Variants in MEIOC observed in about 807,000 individuals in gnomAD.
MEIOC encodes the protein meiosis-specific coiled-coil domain-containing protein MEIOC.
MEIOC carries 9 observed loss-of-function variants against 85.3 expected under a neutral mutation model. The ratio of observed to expected loss-of-function variants is 0.11; its 90% CI spans 0.06 to 0.18. The LOEUF is 0.18. Among genes scored for constraint, MEIOC ranks in the 10% least tolerant of loss-of-function variants. The pLI, the probability that MEIOC is intolerant of heterozygous loss-of-function variation, is 1.00. For missense variants in MEIOC, 898 were observed against 1,129.4 expected (o/e 0.80, Z 2.94); for synonymous variants, 365 against 393.7 (o/e 0.93, Z 0.86).
chr17:44,665,712 T>C (rs1189142900), intron 4 of MEIOC, among the ~76,000 whole-genome samples: 1 of 152,152 alleles, frequency 6.6e-6, no homozygotes, highest in Non-Finnish European at 1.5e-5. Context: ...AAATTATTCT[T>C]GCATAATTCA....
intron 2 of MEIOC, 34 bp downstream of exon 2, chr17:44,657,295 T>G (rs1362711626): frequency 6.5e-7 from 1 of 1,539,752 alleles, no homozygotes; most frequent in Admixed American, 2.0e-5. Flanking sequence ...GTTAGACGAT[T>G]TATTCTCAAA....
At chr17:44,658,407 A>T (rs915710467) in intron 2 of MEIOC, among the ~76,000 whole-genome samples, 7 of 150,392 alleles carry the variant, frequency 4.7e-5, no homozygotes, top group Middle Eastern at 3.4e-3. Flanking sequence ...CGCTCGCCTC[A>T]GCCTCCCAAA....
intron 3 of MEIOC, among the ~76,000 whole-genome samples, chr17:44,662,999 A>G (rs1039882374): frequency 6.6e-6 from 1 of 152,222 alleles, no homozygotes; most frequent in African/African-American, 2.4e-5. Flanking sequence ...TAGTGGGAAC[A>G]TTTAGTGCAT....
At chr17:44,670,895 TAAGTC>T (rs1376036152) in intron 6 of MEIOC, 1 of 152,124 alleles carries the variant, frequency 6.6e-6, no homozygotes, top group Non-Finnish European at 1.5e-5. Context: ...GAATCCTCGT[TAAGTC>T]ATTTTGTAAT....
chr17:44,670,409 A>G (rs1241368068), intron 6 of MEIOC: 1 of 151,856 alleles, frequency 6.6e-6, no homozygotes, highest in African/African-American at 2.4e-5. Context: ...AGAATTTTTT[A>G]AAAAGCAAAA....
Position 44,662,303 on chromosome 17 carries a change from C to T in MEIOC, c.205-14C>T. 6.5e-7 allele frequency: 1 copy of T among 1,527,452 alleles called. No individual in the cohort carries two copies. Among genetic ancestry groups the T allele is most frequent in the Non-Finnish European group, 8.8e-7 (1 of 1,138,564 alleles). 94.6% of individuals were successfully genotyped at this position (1,527,452 alleles called of 1,614,324 possible). Reference sequence around the variant, plus strand: ...GTTTTGATGTGTCTGATAAACATTTCTTAAAACTTTCAGAGTGAAGACAAT... The same window carrying T: ...GTTTTGATGTGTCTGATAAACATTTTTTAAAACTTTCAGAGTGAAGACAAT... On this transcript the variant is annotated splice_polypyrimidine_tract_variant and intron_variant, in intron 2 of 7. Transcript: ENST00000409122.
rs1598726678 is a variant in MEIOC at position 44,664,349 on chromosome 17, G to A, written c.360-1035G>A. 2.6e-5 allele frequency among the ~76,000 whole-genome samples: 4 copies of A among 152,066 alleles called. No homozygotes were observed. The East Asian group carries it at 7.7e-4, about 29-fold the overall frequency. On this transcript the variant is annotated intron_variant, in intron 3 of 7. Coordinates refer to ENST00000409122, the MANE Select transcript of MEIOC (RefSeq NM_001145080.3). ...TGCACTGCAGCCTGGGGAACAGAGC[G>A]AGACTCCATCTCAAAAATAAATAAA... is the stretch of plus-strand genomic sequence containing the variant.
In MEIOC at chr17:44,675,262, T is replaced by C. The variant is rs143894992; in HGVS notation, c.*1066T>C. 145 of 984,172 alleles carry C rather than the reference T, an allele frequency of 1.5e-4. 1 individual carries two copies. The highest frequency in any genetic ancestry group is 3.1e-4 in the Admixed American group (5 of 16,284). 61.0% of individuals were successfully genotyped at this position (984,172 alleles called of 1,614,324 possible). ...AGTTGTGTTCATTAGTTTGCTTCTG[T>C]ATTTTTTTAAAACTATTGAAAGCTT... On this transcript the variant is annotated 3_prime_UTR_variant, in exon 8 of 8. Transcript: ENST00000409122.
rs564149684 is a variant in MEIOC at position 44,662,241 on chromosome 17, C to T, written c.205-76C>T. 8.9e-5 allele frequency: 100 copies of T among 1,127,772 alleles called. 1 individual carries two copies. The highest frequency in any genetic ancestry group is 1.1e-4 in the Non-Finnish European group (91 of 794,070). The allele number at this position is 1,127,772 out of a possible 1,614,324, so 69.9% of individuals were successfully genotyped here. ...CCAACTCTTACATCTGTGTTATTTCCGCTTTCTTATTTTTCTCATATTCTA... is the reference window on the plus strand; with the variant it reads ...CCAACTCTTACATCTGTGTTATTTCTGCTTTCTTATTTTTCTCATATTCTA... On this transcript the variant is annotated intron_variant, in intron 2 of 7. Transcript: ENST00000409122.
chr17:44,657,086 C>G, intron 1 of MEIOC, 41 bp from the exon 2 acceptor site: 2 of 1,530,552 alleles, frequency 1.3e-6, no homozygotes, highest in South Asian at 2.4e-5. Flanking sequence ...GCGTCACCCT[C>G]GTGACCACTT....
At chr17:44,669,599 C>T in intron 6 of MEIOC, 82 bp downstream of exon 6, 1 of 1,388,528 alleles carries the variant, frequency 7.2e-7, no homozygotes, top group Non-Finnish European at 1.0e-6. Context: ...GTGGCTCACT[C>T]CTGTAATCCC....
intron 2 of MEIOC, among the ~76,000 whole-genome samples, chr17:44,660,873 G>A (rs1382050663): frequency 3.3e-5 from 5 of 151,582 alleles, no homozygotes; most frequent in Admixed American, 6.6e-5. Context: ...CAGGAGGATC[G>A]CTTGAGGCCA....
intron 6 of MEIOC, among the ~76,000 whole-genome samples, chr17:44,671,830 T>C (rs575271661): frequency 6.0e-4 from 91 of 151,310 alleles, no homozygotes; most frequent in African/African-American, 2.0e-3. Flanking sequence ...GGTGTGAACC[T>C]GGCAGACGGA....
At chr17:44,670,283 AAAAAAG>A (rs1372437029) in intron 6 of MEIOC, 11 of 151,042 alleles carry the variant, frequency 7.3e-5, no homozygotes, top group Non-Finnish European at 1.5e-4. Flanking sequence ...AAAAAAGAAA[AAAAAAG>A]AAAAAGGAAC....
Position 44,674,323 on chromosome 17 carries a change from A to G in MEIOC, c.*127A>G. ...GATTTAAAGTTAATACCAGTACCTT[A>G]ATGAAGTCTAACTTCTATTTAAAAA... On this transcript the variant is annotated 3_prime_UTR_variant, in exon 8 of 8. Coordinates refer to ENST00000409122, the MANE Select transcript of MEIOC (RefSeq NM_001145080.3). The G allele has an allele frequency of 7.0e-7, 1 of 1,422,558 alleles. No homozygotes were observed. The highest frequency in any genetic ancestry group is 1.6e-5 in the South Asian group (1 of 63,614). The allele number at this position is 1,422,558 out of a possible 1,614,324, so 88.1% of individuals were successfully genotyped here.
At position 44,667,748 on chromosome 17, in the gene MEIOC, C is replaced by G. The variant is rs1274596258; in HGVS notation, c.1837C>G (p.Gln613Glu). The G allele has an allele frequency of 4.1e-5, 66 of 1,613,752 alleles. No individual in the cohort carries two copies. The highest frequency in any genetic ancestry group is 5.3e-5 in the Non-Finnish European group (63 of 1,179,806). The change falls in exon 5 of 8, where the codon CAG becomes GAG. Residue 613 changes from glutamine (Q) to glutamate (E), a missense_variant. Transcript: ENST00000409122. ...CAAACATAATTTTCAAGCCAAGCCC[C>G]AGAGTGGACATTATGATCCTGAGGA... Reference protein sequence around the residue: ...VNKHNFQAKPQSGHYDPEEGP... With the variant: ...VNKHNFQAKPESGHYDPEEGP...
Position 44,667,235 on chromosome 17 carries a change from C to G in MEIOC, c.1324C>G (p.Gln442Glu). Reference sequence around the variant, plus strand: ...TGATTTTGCTAACGTCACAGAAAAGCAACAGTTTGCTAAACCTGATCCCCC... The same window carrying G: ...TGATTTTGCTAACGTCACAGAAAAGGAACAGTTTGCTAAACCTGATCCCCC... ...ANDFANVTEK[Q>E]QFAKPDPPHS... The change falls in exon 5 of 8, where the codon CAA (glutamine) becomes GAA (glutamate). Residue 442 changes from glutamine (Q) to glutamate (E), a missense_variant. By Grantham distance (29) the Gln-to-Glu change is conservative (BLOSUM62 2). This residue lies in a region of MEIOC where 734 missense variants were observed against 860.1 expected (regional missense o/e 0.85). Transcript: ENST00000409122. 6.2e-7 allele frequency: 1 copy of G among 1,613,816 alleles called. No individual in the cohort carries two copies. The highest frequency in any genetic ancestry group is 8.5e-7 in the Non-Finnish European group (1 of 1,179,880).
intron 3 of MEIOC, among the ~76,000 whole-genome samples, chr17:44,664,834 C>T (rs1264385091): frequency 6.6e-6 from 1 of 152,186 alleles, no homozygotes; most frequent in African/African-American, 2.4e-5. Flanking sequence ...AGGGATGGCT[C>T]CCAAATCTGT....
rs73299701 is a variant in MEIOC at position 44,665,064 on chromosome 17, C to T, written c.360-320C>T. On this transcript the variant is annotated intron_variant, in intron 3 of 7. Transcript: ENST00000409122. ...GGAGCAGCTATGATACCAAGCATGT[C>T]TGTGACATCATAGATGACAGATTTA... 210 of 898,598 alleles carry T rather than the reference C, an allele frequency of 2.3e-4. No homozygotes were observed. The African/African-American group carries it at 3.7e-3, about 16-fold the overall frequency. The allele number at this position is 898,598 out of a possible 1,614,324, so 55.7% of individuals were successfully genotyped here.
Sources: allele counts gnomAD v4.1 joint callset (sites outside exome capture counted in the v4.1 genomes callset), GRCh38; gene constraint gnomAD v4.1.1; regional missense constraint gnomAD v4.1.1; transcripts MANE v1.5; gene names NCBI Gene and HGNC (gene_info 2026-07-23, HGNC 2026-07-21).